GLIS3: variants seen among roughly 807,000 people sequenced by gnomAD.
GLIS3 encodes the protein GLIS family zinc finger 3.
A neutral mutation model predicts 78.6 loss-of-function variants in GLIS3; 53 were observed. That is an observed-to-expected ratio of 0.67 (90% CI 0.54 to 0.85). The LOEUF is 0.85. Among genes scored for constraint, GLIS3 ranks in the 40% least tolerant of loss-of-function variants. The pLI, the probability that GLIS3 is intolerant of heterozygous loss-of-function variation, is 0.00. For synonymous variants in GLIS3, 684 were observed against 509.9 expected, an observed-to-expected ratio of 1.34 and a Z score of -4.60; for missense variants, 1,703 against 1,231.1, an observed-to-expected ratio of 1.38 and a Z score of -5.74.
chr9:3,975,245 G>A (rs562914315), intron 4 of GLIS3: 6 of 152,270 alleles, frequency 3.9e-5, no homozygotes, highest in African/African-American at 1.2e-4. Context: ...AACAGGAGAG[G>A]GAGTGGGCAG....
chr9:3,925,616 T>G (rs891475305), intron 6 of GLIS3, among the ~76,000 whole-genome samples: 2 of 152,026 alleles, frequency 1.3e-5, no homozygotes, highest in African/African-American at 4.8e-5. Flanking sequence ...CGTGTGTGTG[T>G]GTGTGCGCGC....
intron 2 of GLIS3, among the ~76,000 whole-genome samples, chr9:4,170,525 C>G (rs1005713718): frequency 6.6e-6 from 1 of 152,184 alleles, no homozygotes; most frequent in Non-Finnish European, 1.5e-5. Context: ...GGAAGTGAGA[C>G]AGTCATCTAG....
chr9:4,390,207 C>T, the GLIS3 span, among the ~76,000 whole-genome samples: 1 of 152,226 alleles, frequency 6.6e-6, no homozygotes, highest in African/African-American at 2.4e-5. Context: ...GGGAAAGCAG[C>T]AGCCGCAGCT....
the GLIS3 span, among the ~76,000 whole-genome samples, chr9:4,362,180 C>T: frequency 0.018 from 2,785 of 152,356 alleles, 86 homozygotes; most frequent in African/African-American, 0.063. Context: ...AAATTAGTCT[C>T]TTTTCCCTGA....
At chr9:4,385,802 A>C in the GLIS3 span, among the ~76,000 whole-genome samples, 1 of 60,130 alleles carries the variant, frequency 1.7e-5, no homozygotes, top group Non-Finnish European at 3.4e-5. Flanking sequence ...AGAAAGAAAG[A>C]AAGAAAGAAA....
At chr9:4,316,859 G>T (rs10814929) in intron 2 of GLIS3, among the ~76,000 whole-genome samples, 63,230 of 151,934 alleles carry the variant, frequency 0.42, 13,877 homozygotes, top group African/African-American at 0.57. Context: ...GAGAAGTGTT[G>T]GTGATCTTTA....
At chr9:4,221,887 T>TATGG (rs953123194) in intron 2 of GLIS3, among the ~76,000 whole-genome samples, 10 of 152,238 alleles carry the variant, frequency 6.6e-5, no homozygotes, top group African/African-American at 2.2e-4. Context: ...GATCCATCTG[T>TATGG]ATGGCAAATC....
At chr9:4,031,585 T>C (rs1823838488) in intron 4 of GLIS3, among the ~76,000 whole-genome samples, 1 of 152,194 alleles carries the variant, frequency 6.6e-6, no homozygotes, top group Non-Finnish European at 1.5e-5. Flanking sequence ...ACATTGCAAA[T>C]GTACTGAATA....
At chr9:3,890,263 A>AAACAAC (rs201262591) in intron 7 of GLIS3, among the ~76,000 whole-genome samples, 41 of 152,278 alleles carry the variant, frequency 2.7e-4, no homozygotes, top group Admixed American at 9.8e-4. Flanking sequence ...CTCTTCATGG[A>AAACAAC]AACAACAACA....
At chr9:4,422,513 G>A in the GLIS3 span, among the ~76,000 whole-genome samples, 1 of 152,188 alleles carries the variant, frequency 6.6e-6, no homozygotes, top group Admixed American at 6.5e-5. Flanking sequence ...CCTGGATTCT[G>A]TTTCCCCTGG....
At chr9:3,960,086 G>A (rs527816185) in intron 4 of GLIS3, among the ~76,000 whole-genome samples, 15 of 152,290 alleles carry the variant, frequency 9.8e-5, no homozygotes, top group African/African-American at 1.4e-4. Context: ...GCAGTGAGCC[G>A]AGATGGAGCC....
At chr9:3,831,677 T>C (rs889454711) in intron 9 of GLIS3, among the ~76,000 whole-genome samples, 3 of 152,196 alleles carry the variant, frequency 2.0e-5, no homozygotes, top group Admixed American at 6.5e-5. Context: ...GGGACAGAGA[T>C]TGCAGCGCTA....
the GLIS3 span, among the ~76,000 whole-genome samples, chr9:4,434,198 T>C: frequency 3.3e-5 from 5 of 152,056 alleles, no homozygotes; most frequent in Admixed American, 3.3e-4. Flanking sequence ...TTAATGTATA[T>C]AGTTATTTAT....
chr9:4,106,928 TG>T (rs1830798525), intron 4 of GLIS3, among the ~76,000 whole-genome samples: 2 of 151,874 alleles, frequency 1.3e-5, no homozygotes, highest in African/African-American at 4.8e-5. Context: ...TTGGACAAGG[TG>T]GGAAAAACTG....
chr9:4,171,266 CT>C (rs930373270), intron 2 of GLIS3, among the ~76,000 whole-genome samples: 1 of 152,150 alleles, frequency 6.6e-6, no homozygotes, highest in African/African-American at 2.4e-5. Context: ...TATTTATTCA[CT>C]AACAGAGAAT....
chr9:3,931,878 A>G (rs747417119), intron 6 of GLIS3, among the ~76,000 whole-genome samples: 19 of 152,214 alleles, frequency 1.2e-4, no homozygotes, highest in Non-Finnish European at 2.8e-4. Flanking sequence ...AGCTTAAAGA[A>G]TGCTCTCTAC....
At chr9:4,457,838 G>C in the GLIS3 span, among the ~76,000 whole-genome samples, 77 of 130,360 alleles carry the variant, frequency 5.9e-4, no homozygotes, top group Non-Finnish European at 9.7e-5. Flanking sequence ...GACAGAACGA[G>C]ACTCCATCTC....
chr9:4,156,695 C>T (rs1473318866), intron 2 of GLIS3, among the ~76,000 whole-genome samples: 1 of 152,132 alleles, frequency 6.6e-6, no homozygotes, highest in Non-Finnish European at 1.5e-5. Context: ...TGAAGGGTAG[C>T]CCTTTAAGGG....
chr9:4,246,699 G>T (rs1410723600), intron 2 of GLIS3, among the ~76,000 whole-genome samples: 2 of 152,126 alleles, frequency 1.3e-5, no homozygotes, highest in African/African-American at 2.4e-5. Flanking sequence ...GTAAGAGCTG[G>T]TCTCATCCTT....
Sources: allele counts gnomAD v4.1 joint callset (sites outside exome capture counted in the v4.1 genomes callset), GRCh38; gene constraint gnomAD v4.1.1; transcripts MANE v1.5; gene names NCBI Gene and HGNC (gene_info 2026-07-23, HGNC 2026-07-21).